The following VWA3B variants were observed in gnomAD, a reference collection of about 807,000 sequenced individuals.
VWA3B encodes the protein von Willebrand factor A domain containing 3B.
A neutral mutation model predicts 158.3 loss-of-function variants in VWA3B; 138 were observed. The ratio of observed to expected loss-of-function variants is 0.87; its 90% CI spans 0.76 to 1.00. The LOEUF is 1.00. Ranked by LOEUF, VWA3B falls within the 50% of genes least tolerant of loss-of-function variation. The pLI is 0.00. For missense variants in VWA3B, 1,555 were observed against 1,565.1 expected, an observed-to-expected ratio of 0.99 and a Z score of 0.11; for synonymous variants, 596 against 587.3, an observed-to-expected ratio of 1.01 and a Z score of -0.21.
chr2:98,115,903 T>C (rs1674498402), intron 3 of VWA3B, among the ~76,000 whole-genome samples, 157 bp downstream of exon 3: 1 of 152,016 alleles, frequency 6.6e-6, no homozygotes, highest in South Asian at 2.1e-4. Flanking sequence ...GATAGGGTGA[T>C]GAAAATCATG....
At chr2:98,203,558 A>G (rs1682760842) in intron 12 of VWA3B, among the ~76,000 whole-genome samples, 1 of 152,248 alleles carries the variant, frequency 6.6e-6, no homozygotes, top group Non-Finnish European at 1.5e-5. Context: ...CATCTATTCC[A>G]TGAATACAGT....
At chr2:98,211,794 C>G (rs139935753) in intron 12 of VWA3B, 136 bp from the exon 13 acceptor site, 2 of 731,016 alleles carry the variant, frequency 2.7e-6, no homozygotes, top group African/African-American at 1.8e-5. Flanking sequence ...TGGGGTTAAA[C>G]TATTATCTCA....
At chr2:98,225,661 G>A (rs996131868) in intron 14 of VWA3B, among the ~76,000 whole-genome samples, 6 of 150,686 alleles carry the variant, frequency 4.0e-5, no homozygotes, top group African/African-American at 9.8e-5. Flanking sequence ...AACTTTTTAT[G>A]TGCAGGTAAT....
chr2:98,304,255 GGTA>G (rs1690375855), intron 26 of VWA3B, among the ~76,000 whole-genome samples: 1 of 152,122 alleles, frequency 6.6e-6, no homozygotes, highest in Non-Finnish European at 1.5e-5. Context: ...TTTCAGGTGA[GGTA>G]GTAGGATGGC....
chr2:98,202,416 AT>A (rs1558668532), intron 12 of VWA3B, among the ~76,000 whole-genome samples: 1 of 149,368 alleles, frequency 6.7e-6, no homozygotes, highest in Non-Finnish European at 1.5e-5. Flanking sequence ...AGCTTTTTTT[AT>A]TTTTCTTTTA....
At chr2:98,185,098 G>T (rs1320614201) in intron 9 of VWA3B, among the ~76,000 whole-genome samples, 2 of 152,130 alleles carry the variant, frequency 1.3e-5, no homozygotes, top group African/African-American at 4.8e-5. Flanking sequence ...CCTTAGGCAT[G>T]CCCTCAGCCT....
chr2:98,162,822 G>T, intron 7 of VWA3B, 29 bp from the exon 8 acceptor site: 1 of 1,611,276 alleles, frequency 6.2e-7, no homozygotes, highest in Non-Finnish European at 8.5e-7. Flanking sequence ...TGTCTCAGCC[G>T]GCCGCTCATG....
At chr2:98,308,223 T>G (rs1314201751) in intron 26 of VWA3B, among the ~76,000 whole-genome samples, 1 of 152,210 alleles carries the variant, frequency 6.6e-6, no homozygotes, top group African/African-American at 2.4e-5. Context: ...TGAAACCAGC[T>G]AGGCGGGTGC....
Position 98,153,012 on chromosome 2 carries a change from G to A in VWA3B, c.989-9839G>A, listed in dbSNP as rs1573920636. On this transcript the variant is annotated intron_variant, in intron 7 of 27. Transcript: ENST00000477737. ...ACAGTTTGGTAGACCAGCGTTGGACGACATGGCATACCTTTCACCCTTTCA... is the reference window on the plus strand; with the variant it reads ...ACAGTTTGGTAGACCAGCGTTGGACAACATGGCATACCTTTCACCCTTTCA... 2.0e-5 allele frequency among the ~76,000 whole-genome samples: 3 copies of A among 152,312 alleles called. No homozygotes were observed. The Middle Eastern group carries it at 0.01, about 518-fold the overall frequency.
intron 4 of VWA3B, 116 bp downstream of exon 4, chr2:98,119,879 C>A: frequency 7.8e-7 from 1 of 1,279,154 alleles, no homozygotes; most frequent in Non-Finnish European, 1.1e-6. Context: ...GAGGCATTAT[C>A]TTATACTTTC....
chr2:98,204,939 C>T (rs940979414), intron 12 of VWA3B, among the ~76,000 whole-genome samples: 6 of 152,122 alleles, frequency 3.9e-5, no homozygotes, highest in East Asian at 1.9e-4. Context: ...GGGAAAACCC[C>T]GTCTCTACTT....
Position 98,311,833 on chromosome 2 carries a change from C to T in VWA3B, c.3536C>T (p.Ala1179Val), listed in dbSNP as rs754950470. Residue 1179 changes from alanine (A) to valine (V), a missense_variant, in exon 27 of 28, where the codon GCG becomes GTG. Ala to Val is a moderately conservative substitution (Grantham distance 64). Transcript: ENST00000477737. The stretch of plus-strand genomic sequence containing the variant: ...TCTGTCTCTAGAGAGGATGTGGAGG[C>T]GAGGAACTCTGCTTTCCTCTTCTGG... ...PEDPEVEDVE[A>V]RNSAFLFWPL... is the part of the protein sequence containing the mutation. 2.5e-6 allele frequency: 4 copies of T among 1,606,568 alleles called. No homozygotes were observed. The highest frequency in any genetic ancestry group is 1.7e-5 in the Admixed American group (1 of 59,118).
At chr2:98,302,581 A>G (rs72817800) in intron 25 of VWA3B, among the ~76,000 whole-genome samples, 1 of 152,316 alleles carries the variant, frequency 6.6e-6, no homozygotes, top group Non-Finnish European at 1.5e-5. Flanking sequence ...ATTCCAATCC[A>G]AGCGCTTTAC....
chr2:98,264,328 G>A (rs1010803902), intron 21 of VWA3B, among the ~76,000 whole-genome samples: 7 of 151,438 alleles, frequency 4.6e-5, no homozygotes, highest in Non-Finnish European at 8.8e-5. Context: ...GTTAATTTGG[G>A]ACCTTCCTCC....
chr2:98,090,619 C>G (rs1219577934), intron 1 of VWA3B, among the ~76,000 whole-genome samples: 2 of 152,180 alleles, frequency 1.3e-5, no homozygotes, highest in African/African-American at 4.8e-5. Context: ...TTGCAATATT[C>G]TCCTCAAATT....
At chr2:98,196,338 A>G (rs1682037324) in intron 12 of VWA3B, among the ~76,000 whole-genome samples, 1 of 152,246 alleles carries the variant, frequency 6.6e-6, no homozygotes, top group Non-Finnish European at 1.5e-5. Context: ...CTCATTCCAC[A>G]ACATATACAT....
At chr2:98,129,222 A>AGT (rs1447456836) in intron 6 of VWA3B, among the ~76,000 whole-genome samples, 102 of 110,390 alleles carry the variant, frequency 9.2e-4, no homozygotes, top group Non-Finnish European at 1.6e-3. Flanking sequence ...AGAGAGAGAG[A>AGT]GAGTGTGTGT....
rs1056824441 is a variant in VWA3B, at chr2:98,141,572, A to G, written c.988+7633A>G. On this transcript the variant is annotated intron_variant, in intron 7 of 27. Coordinates refer to ENST00000477737, the MANE Select transcript of VWA3B (RefSeq NM_144992.5). ...CCTTGTCACCCACACACCTTCCACC[A>G]GGCCCCATCTCTGATACTGGGAATC... 6.6e-5 allele frequency among the ~76,000 whole-genome samples: 10 copies of G among 152,238 alleles called. No homozygotes were observed. In the South Asian group the frequency reaches 8.3e-4, roughly 13 times the overall value.
rs577993556 is a variant in VWA3B at position 98,119,693 on chromosome 2, C to A, written c.472C>A (p.Leu158Met). Residue 158 changes from leucine to methionine, a missense_variant, in exon 4 of 28, where the codon CTG becomes ATG. Coordinates refer to ENST00000477737, the MANE Select transcript of VWA3B (RefSeq NM_144992.5). ...FGGILEGELD[L>M]CREALTMVLQ... ...CGGCATTCTGGAGGGGGAGCTTGATCTGTGCCGAGAGGCTCTAACAATGGT... is the reference window on the plus strand; with the variant it reads ...CGGCATTCTGGAGGGGGAGCTTGATATGTGCCGAGAGGCTCTAACAATGGT... The A allele has an allele frequency of 6.2e-7, 1 of 1,614,132 alleles. No individual in the cohort carries two copies. The highest frequency in any genetic ancestry group is 1.3e-5 in the African/African-American group (1 of 75,024).
Sources: gnomAD v4.1 joint callset for allele counts (sites outside exome capture counted in the v4.1 genomes callset) on GRCh38, gnomAD v4.1.1 for gene constraint, MANE v1.5 for transcripts, NCBI Gene and HGNC (gene_info 2026-07-23, HGNC 2026-07-21) for gene names.